Variants in ANAPC10 observed in about 807,000 individuals in gnomAD.
ANAPC10 encodes anaphase promoting complex subunit 10.
In ANAPC10, 12 loss-of-function variants were observed where a neutral mutation model predicts 22.0. That is an observed-to-expected ratio of 0.55 (90% CI 0.35 to 0.88). The LOEUF is 0.88. Ranked by LOEUF, ANAPC10 falls within the 40% of genes least tolerant of loss-of-function variation. ANAPC10 has a pLI of 0.01. For synonymous variants in ANAPC10, 65 were observed against 69.5 expected (o/e 0.94, Z 0.32); for missense variants, 188 against 220.9 (o/e 0.85, Z 0.94).
chr4:145,070,786 A>G (rs773373672), intron 3 of ANAPC10, among the ~76,000 whole-genome samples: 1 of 152,258 alleles, frequency 6.6e-6, no homozygotes, highest in Non-Finnish European at 1.5e-5. Context: ...TGGCACAGTC[A>G]TACAATGGAA....
At chr4:145,067,128 T>C (rs1033675415) in intron 3 of ANAPC10, among the ~76,000 whole-genome samples, 4 of 152,176 alleles carry the variant, frequency 2.6e-5, no homozygotes, top group Non-Finnish European at 4.4e-5. Context: ...AGTAAAAAAT[T>C]TTAAAATCAT....
intron 4 of ANAPC10, among the ~76,000 whole-genome samples, chr4:145,050,004 G>A (rs1309056453): frequency 6.6e-6 from 1 of 152,094 alleles, no homozygotes; most frequent in African/African-American, 2.4e-5. Flanking sequence ...TTCATATTTT[G>A]ACCTTTTCAT....
chr4:145,041,979 G>C (rs957445625), intron 4 of ANAPC10, among the ~76,000 whole-genome samples: 2 of 152,084 alleles, frequency 1.3e-5, no homozygotes, highest in Admixed American at 6.6e-5. Flanking sequence ...CTTCTATATA[G>C]AAAGTTAAAA....
chr4:145,064,830 C>A (rs920263912), intron 3 of ANAPC10, 138 bp from the exon 4 acceptor site: 19 of 739,188 alleles, frequency 2.6e-5, no homozygotes, highest in African/African-American at 2.3e-4. Flanking sequence ...TTAATTTCAA[C>A]AAAAATGAAA....
At chr4:145,048,771 AT>A (rs1275170333) in intron 4 of ANAPC10, among the ~76,000 whole-genome samples, 1 of 152,150 alleles carries the variant, frequency 6.6e-6, no homozygotes, top group East Asian at 1.9e-4. Context: ...AAATTCAACC[AT>A]TGGAGGAATA....
chr4:145,097,747 G>C, intron 1 of ANAPC10: 1 of 352,422 alleles, frequency 2.8e-6, no homozygotes, highest in Non-Finnish European at 5.6e-6. Context: ...ATTACTAACT[G>C]AATGTCCTGT....
chr4:145,028,576 G>T (rs189853502), intron 4 of ANAPC10, among the ~76,000 whole-genome samples: 118 of 152,254 alleles, frequency 7.8e-4, no homozygotes, highest in African/African-American at 2.7e-3. Context: ...TAAGGATGGG[G>T]TTGTTTCATT....
intron 1 of ANAPC10, chr4:145,097,600 C>T (rs1195324450): frequency 8.3e-7 from 1 of 1,198,842 alleles, no homozygotes; most frequent in South Asian, 1.3e-5. Context: ...TAAACTTTGG[C>T]AAGGCCTGAG....
chr4:145,066,088 T>C (rs143011392), intron 3 of ANAPC10, among the ~76,000 whole-genome samples: 113 of 152,246 alleles, frequency 7.4e-4, no homozygotes, highest in African/African-American at 2.7e-3. Flanking sequence ...TTTGTAACAA[T>C]GAGCTCCTTG....
intron 4 of ANAPC10, among the ~76,000 whole-genome samples, chr4:145,029,061 T>A (rs1176514376): frequency 2.0e-5 from 3 of 152,148 alleles, no homozygotes; most frequent in African/African-American, 7.2e-5. Context: ...AGGTGTCTAC[T>A]GTTAAAGTGA....
intron 3 of ANAPC10, among the ~76,000 whole-genome samples, chr4:145,079,067 CA>C (rs1488265336): frequency 6.6e-6 from 1 of 151,918 alleles, no homozygotes; most frequent in African/African-American, 2.4e-5. Flanking sequence ...TTCAGCACAG[CA>C]AAAGAAACTA....
chr4:145,054,634 TGTGTGTGCGCGC>T (rs1305696785), intron 4 of ANAPC10, among the ~76,000 whole-genome samples: 9 of 101,418 alleles, frequency 8.9e-5, no homozygotes, highest in East Asian at 3.2e-4. Context: ...TGTGTGTGTG[TGTGTGTGCGCGC>T]GCGCGCGCGT....
chr4:145,088,719 T>C (rs1007001206), intron 2 of ANAPC10, among the ~76,000 whole-genome samples: 2 of 152,216 alleles, frequency 1.3e-5, no homozygotes, highest in African/African-American at 2.4e-5. Flanking sequence ...TTATCCACAG[T>C]GGACACAGTC....
intron 4 of ANAPC10, among the ~76,000 whole-genome samples, chr4:145,050,525 T>G (rs1740950899): frequency 6.6e-6 from 1 of 152,236 alleles, no homozygotes; most frequent in Non-Finnish European, 1.5e-5. Flanking sequence ...AAGCCAGGCA[T>G]TGACTTCTCC....
chr4:145,030,881 G>C (rs184849483), intron 4 of ANAPC10, among the ~76,000 whole-genome samples: 1 of 152,156 alleles, frequency 6.6e-6, no homozygotes, highest in Non-Finnish European at 1.5e-5. Context: ...CCACATCCCC[G>C]TTCAACTCTC....
At chr4:145,070,921 T>C (rs1247664062) in intron 3 of ANAPC10, among the ~76,000 whole-genome samples, 1 of 152,164 alleles carries the variant, frequency 6.6e-6, no homozygotes, top group South Asian at 2.1e-4. Context: ...ATTCCACTTA[T>C]ATCAGGTCCC....
At chr4:145,053,401 C>T (rs1032759333) in intron 4 of ANAPC10, among the ~76,000 whole-genome samples, 5 of 152,192 alleles carry the variant, frequency 3.3e-5, no homozygotes, top group Non-Finnish European at 5.9e-5. Flanking sequence ...GCTTAGAAAG[C>T]TTCCTCTACG....
At chr4:145,026,945 A>ATATATATATATATATGTGTGTG (rs1287102797) in intron 4 of ANAPC10, among the ~76,000 whole-genome samples, 6 of 17,152 alleles carry the variant, frequency 3.5e-4, no homozygotes, top group Non-Finnish European at 7.1e-4. Flanking sequence ...ATATATATAT[A>ATATATATATATATATGTGTGTG]TGTGTGTGTG....
At chr4:145,075,863 C>T (rs1745122988) in intron 3 of ANAPC10, among the ~76,000 whole-genome samples, 1 of 152,182 alleles carries the variant, frequency 6.6e-6, no homozygotes, top group Non-Finnish European at 1.5e-5. Context: ...CCAGGGATGC[C>T]TGTCCCTTAA....
Sources: allele counts gnomAD v4.1 joint callset (sites outside exome capture counted in the v4.1 genomes callset), GRCh38; gene constraint gnomAD v4.1.1; transcripts MANE v1.5; gene names NCBI Gene and HGNC (gene_info 2026-07-23, HGNC 2026-07-21).